XPO6: variants seen among roughly 807,000 people sequenced by gnomAD.
XPO6 encodes the protein exportin-6.
Under a neutral mutation model 130.0 loss-of-function variants are expected in XPO6, and 3 were observed. The ratio of observed to expected loss-of-function variants is 0.02; its 90% CI spans 0.01 to 0.06. The LOEUF is 0.06. Ranked by LOEUF, XPO6 falls within the 10% of genes least tolerant of loss-of-function variation. The probability of loss-of-function intolerance (pLI) is 1.00; values close to 1 mark genes in which losing one functional copy is unlikely to be tolerated. For missense variants in XPO6, 970 were observed against 1,393.0 expected (o/e 0.70, Z 4.83); for synonymous variants, 524 against 548.9 (o/e 0.95, Z 0.63).
At chr16:28,131,696 T>C (rs1031941570) in intron 12 of XPO6, among the ~76,000 whole-genome samples, 1 of 152,182 alleles carries the variant, frequency 6.6e-6, no homozygotes, top group Non-Finnish European at 1.5e-5. Flanking sequence ...TAACTAGTAA[T>C]AGCACTTACA....
At chr16:28,169,702 G>C in intron 5 of XPO6, 48 bp downstream of exon 5, 7 of 1,601,834 alleles carry the variant, frequency 4.4e-6, no homozygotes, top group Non-Finnish European at 6.0e-6. Flanking sequence ...CTGAACTCTG[G>C]GTGCCTGCGG....
intron 2 of XPO6, among the ~76,000 whole-genome samples, chr16:28,179,396 T>A (rs1010335634): frequency 6.6e-5 from 10 of 152,266 alleles, no homozygotes; most frequent in African/African-American, 2.4e-4. Context: ...TAAAAGTTAA[T>A]TACAAATCCA....
In XPO6 at chr16:28,211,796, C is replaced by T; in HGVS notation, c.-428G>A. The T allele has an allele frequency of 3.9e-6, 1 of 257,622 alleles. No homozygotes were observed. Among genetic ancestry groups the T allele is most frequent in the Non-Finnish European group, 7.3e-6 (1 of 137,120 alleles). The allele number at this position is 257,622 out of a possible 1,614,324, so 16.0% of individuals were successfully genotyped here. A position where few individuals can be genotyped will look rare whatever the true frequency, so the allele number is the denominator to read the frequency against. On this transcript the variant is annotated 5_prime_UTR_variant, in exon 1 of 24. Transcript: ENST00000304658. ...GGCTGACAGGCCTCGACCGCGCGGC[C>T]CAGGCGGCCGGCTCAGGGGAGAGGC...
intron 1 of XPO6, among the ~76,000 whole-genome samples, chr16:28,184,080 G>A (rs896880671): frequency 2.6e-5 from 4 of 152,142 alleles, no homozygotes; most frequent in African/African-American, 9.7e-5. Context: ...GGAATTAACT[G>A]CAAGTGAGGA....
chr16:28,126,815 G>A (rs1164711008), intron 12 of XPO6: 1 of 152,186 alleles, frequency 6.6e-6, no homozygotes, highest in Admixed American at 6.5e-5. Context: ...TGACACAGCA[G>A]GAATGAGGGT....
intron 9 of XPO6, among the ~76,000 whole-genome samples, chr16:28,142,397 T>C (rs974967322): frequency 6.6e-6 from 1 of 152,228 alleles, no homozygotes; most frequent in African/African-American, 2.4e-5. Flanking sequence ...GAAAAAATTA[T>C]AAGCTGAAGT....
intron 1 of XPO6, among the ~76,000 whole-genome samples, chr16:28,200,836 T>C (rs2043942569): frequency 6.6e-6 from 1 of 152,176 alleles, no homozygotes; most frequent in South Asian, 2.1e-4. Context: ...AATACCTACC[T>C]GGCAGGGTGG....
chr16:28,164,956 C>G (rs2043332712), intron 6 of XPO6, among the ~76,000 whole-genome samples: 1 of 152,232 alleles, frequency 6.6e-6, no homozygotes, highest in Non-Finnish European at 1.5e-5. Flanking sequence ...GTGGCTCACA[C>G]CTGTAATCCC....
chr16:28,156,558 A>T (rs774318893), intron 6 of XPO6, 31 bp from the exon 7 acceptor site: 5 of 1,490,018 alleles, frequency 3.4e-6, no homozygotes, highest in Non-Finnish European at 3.6e-6. Flanking sequence ...TAAGCTATCC[A>T]GCATCAAATC....
chr16:28,168,552 G>A (rs1194807990), intron 5 of XPO6, among the ~76,000 whole-genome samples: 1 of 151,546 alleles, frequency 6.6e-6, no homozygotes, highest in East Asian at 1.9e-4. Context: ...GTTTACCCCT[G>A]GGGCTTTAGG....
intron 1 of XPO6, among the ~76,000 whole-genome samples, chr16:28,199,878 C>A (rs1045510489): frequency 6.7e-6 from 1 of 149,248 alleles, no homozygotes. Flanking sequence ...TTCCCTGGGC[C>A]GGGCACGGTG....
At chr16:28,145,083 T>C (rs991299217) in intron 9 of XPO6, among the ~76,000 whole-genome samples, 2 of 152,202 alleles carry the variant, frequency 1.3e-5, no homozygotes, top group Admixed American at 6.5e-5. Context: ...ATAAAGTACT[T>C]AGGGCTAGAT....
At chr16:28,121,836 AC>A in intron 13 of XPO6, 74 bp from the exon 14 acceptor site, 1 of 1,007,842 alleles carries the variant, frequency 9.9e-7, no homozygotes, top group Non-Finnish European at 1.6e-6. Flanking sequence ...CAAGGCTGGT[AC>A]CAGCAAAGAG....
chr16:28,145,211 T>C (rs900987214), intron 9 of XPO6, among the ~76,000 whole-genome samples: 3 of 152,204 alleles, frequency 2.0e-5, no homozygotes, highest in African/African-American at 7.2e-5. Context: ...CCTTCATGAC[T>C]GCCTGCTCAC....
Position 28,121,716 on chromosome 16 carries a change from T to C in XPO6, c.1813A>G (p.Ile605Val), listed in dbSNP as rs1465998188. ...AATACTGATGGCACAGCAGTTTCAA[T>C]GTTGTACAATTTTATCTGAGATCCG... ...LYGSQIKLYN[I>V]ETAVPSVLKP... Residue 605 changes from isoleucine to valine, a missense_variant, in exon 14 of 24, where the codon ATT (isoleucine) becomes GTT (valine). Physicochemically the swap from Ile to Val is conservative, Grantham distance 29. Coordinates refer to ENST00000304658, the MANE Select transcript of XPO6 (RefSeq NM_015171.4). 1.2e-6 allele frequency: 2 copies of C among 1,614,006 alleles called. No homozygotes were observed. Among genetic ancestry groups the C allele is most frequent in the Non-Finnish European group, 1.7e-6 (2 of 1,179,998 alleles).
intron 12 of XPO6, among the ~76,000 whole-genome samples, chr16:28,130,424 G>A (rs1038345277): frequency 2.6e-5 from 4 of 152,216 alleles, no homozygotes; most frequent in African/African-American, 9.7e-5. Flanking sequence ...ACTGACTGGT[G>A]TGGCATGGAG....
intron 1 of XPO6, 64 bp downstream of exon 1, chr16:28,211,302 G>C: frequency 7.7e-7 from 1 of 1,303,872 alleles, no homozygotes; most frequent in Non-Finnish European, 9.8e-7. Context: ...CAGCAGCCCC[G>C]GGGCCCATTC....
chr16:28,157,681 T>C (rs2043205245), intron 6 of XPO6, among the ~76,000 whole-genome samples: 1 of 151,990 alleles, frequency 6.6e-6, no homozygotes, highest in Non-Finnish European at 1.5e-5. Flanking sequence ...AGAAAGAAAC[T>C]CCAAAGCATA....
At chr16:28,121,494 C>T (rs959736062) in intron 14 of XPO6, among the ~76,000 whole-genome samples, 176 bp downstream of exon 14, 5 of 152,186 alleles carry the variant, frequency 3.3e-5, no homozygotes, top group African/African-American at 4.8e-5. Flanking sequence ...TTTCTCCAAC[C>T]GCCTCTGCCC....
Sources: allele counts gnomAD v4.1 joint callset (sites outside exome capture counted in the v4.1 genomes callset), GRCh38; gene constraint gnomAD v4.1.1; transcripts MANE v1.5; gene names NCBI Gene and HGNC (gene_info 2026-07-23, HGNC 2026-07-21).